The following SYT16 variants were observed in gnomAD, a reference collection of about 807,000 sequenced individuals.
The protein encoded by SYT16 is synaptotagmin 16.
A neutral mutation model predicts 61.4 loss-of-function variants in SYT16; 42 were observed. The observed-to-expected ratio is 0.68, with a 90% CI of 0.53 to 0.89. The LOEUF is 0.89. Ranked by LOEUF, SYT16 falls within the 40% of genes least tolerant of loss-of-function variation. SYT16 has a pLI of 0.00. For synonymous variants in SYT16, 314 were observed against 302.3 expected, an observed-to-expected ratio of 1.04 and a Z score of -0.40; for missense variants, 804 against 807.3, an observed-to-expected ratio of 1.00 and a Z score of 0.05.
At chr14:61,876,472 G>C (rs2047498563) in intron 1 of SYT16, among the ~76,000 whole-genome samples, 1 of 152,178 alleles carries the variant, frequency 6.6e-6, no homozygotes, top group East Asian at 1.9e-4. Flanking sequence ...CGGATGGGAG[G>C]TTGAGAAATT....
At chr14:61,864,137 T>A (rs191081756) in intron 1 of SYT16, among the ~76,000 whole-genome samples, 18 of 152,370 alleles carry the variant, frequency 1.2e-4, no homozygotes, top group African/African-American at 4.3e-4. Context: ...GACCACAATT[T>A]GTTTATCCAT....
chr14:61,834,305 T>G (rs1165919120), intron 1 of SYT16, among the ~76,000 whole-genome samples: 1 of 151,642 alleles, frequency 6.6e-6, no homozygotes, highest in Non-Finnish European at 1.5e-5. Context: ...TAATTTTTTA[T>G]ATTTTTAGTA....
chr14:62,003,488 T>A (rs2053103642), intron 3 of SYT16, among the ~76,000 whole-genome samples: 1 of 151,976 alleles, frequency 6.6e-6, no homozygotes, highest in Non-Finnish European at 1.5e-5. Flanking sequence ...TTGTGTTCTT[T>A]CTCTCCTTGA....
At chr14:61,859,477 C>T (rs1432799149) in intron 1 of SYT16, among the ~76,000 whole-genome samples, 2 of 152,042 alleles carry the variant, frequency 1.3e-5, no homozygotes, top group Admixed American at 6.5e-5. Context: ...CTTTACTATA[C>T]AATCCGGCAC....
At chr14:62,034,607 C>T (rs1566783040) in intron 3 of SYT16, among the ~76,000 whole-genome samples, 1 of 151,452 alleles carries the variant, frequency 6.6e-6, no homozygotes. Context: ...CAAGAGGCCA[C>T]ATATTATATG....
At chr14:62,003,668 A>G (rs1385836667) in intron 3 of SYT16, among the ~76,000 whole-genome samples, 1 of 152,110 alleles carries the variant, frequency 6.6e-6, no homozygotes, top group African/African-American at 2.4e-5. Context: ...GCTTAACACT[A>G]CACTGTGAAA....
At chr14:61,895,252 A>AT (rs546626901) in intron 1 of SYT16, among the ~76,000 whole-genome samples, 430 of 152,170 alleles carry the variant, frequency 2.8e-3, no homozygotes, top group African/African-American at 6.7e-3. Context: ...GTTTAGTTAA[A>AT]TTTTTTTTAA....
intron 1 of SYT16, among the ~76,000 whole-genome samples, chr14:61,896,128 CG>C (rs1566660716): frequency 6.6e-6 from 1 of 151,732 alleles, no homozygotes; most frequent in African/African-American, 2.4e-5. Context: ...GGGTAGAAAC[CG>C]GTCAGAATTT....
intron 3 of SYT16, among the ~76,000 whole-genome samples, chr14:62,046,333 A>G (rs1240343372): frequency 3.3e-5 from 5 of 151,824 alleles, no homozygotes; most frequent in Admixed American, 1.3e-4. Flanking sequence ...GTTTGAGTTC[A>G]TTGTAGATTC....
intron 6 of SYT16, 41 bp downstream of exon 6, chr14:62,081,315 C>A (rs377684620): frequency 2.6e-6 from 4 of 1,566,770 alleles, no homozygotes; most frequent in South Asian, 1.2e-5. Flanking sequence ...GTGGTGTGTT[C>A]GAAGACCTGG....
chr14:61,817,012 C>CAAA (rs1463280301), intron 1 of SYT16, among the ~76,000 whole-genome samples: 20 of 123,988 alleles, frequency 1.6e-4, no homozygotes, highest in Admixed American at 4.6e-4. Context: ...CTCCGTCACA[C>CAAA]ACACACACAC....
chr14:62,075,604 T>TAAAA (rs376818967), intron 5 of SYT16, among the ~76,000 whole-genome samples: 8 of 61,418 alleles, frequency 1.3e-4, no homozygotes, highest in African/African-American at 5.1e-4. Context: ...GGATGAACGG[T>TAAAA]AAAAAAAAAA....
At chr14:61,937,253 AG>A (rs2050018487) in intron 1 of SYT16, among the ~76,000 whole-genome samples, 1 of 152,270 alleles carries the variant, frequency 6.6e-6, no homozygotes, top group Non-Finnish European at 1.5e-5. Context: ...GAGCAAGGCC[AG>A]TGTTAATGGC....
rs559894305 is a variant in SYT16, at chr14:62,105,765, G to T, written c.*5058G>T. On this transcript the variant is annotated 3_prime_UTR_variant, in exon 8 of 8. Coordinates refer to ENST00000683842, the MANE Select transcript of SYT16 (RefSeq NM_001367656.1). Reference sequence around the variant, plus strand: ...CAAGTTCAGTGTAACCAGGTGCCATGAGTCAGTCATGTGCTACTTGTGGTT... The same window carrying T: ...CAAGTTCAGTGTAACCAGGTGCCATTAGTCAGTCATGTGCTACTTGTGGTT... 6.6e-6 allele frequency: 1 copy of T among 152,322 alleles called. No homozygotes were observed. Among genetic ancestry groups the T allele is most frequent in the East Asian group, 1.9e-4 (1 of 5,192 alleles). The allele number at this position is 152,322 out of a possible 1,614,324, so 9.4% of individuals were successfully genotyped here. A position where few individuals can be genotyped will look rare whatever the true frequency, so the allele number is the denominator to read the frequency against.
chr14:61,837,998 G>A (rs991404303), intron 1 of SYT16, among the ~76,000 whole-genome samples: 2 of 152,102 alleles, frequency 1.3e-5, no homozygotes, highest in African/African-American at 4.8e-5. Context: ...AAGAAATTTC[G>A]TTGCCCCTGT....
chr14:62,084,075 T>G (rs2056802522), intron 6 of SYT16, 121 bp from the exon 7 acceptor site: 1 of 1,204,830 alleles, frequency 8.3e-7, no homozygotes. Flanking sequence ...AGTGCGCCCT[T>G]AGTCATCTTT....
chr14:61,910,154 T>G (rs1047378451), intron 1 of SYT16, among the ~76,000 whole-genome samples: 1 of 152,234 alleles, frequency 6.6e-6, no homozygotes, highest in African/African-American at 2.4e-5. Flanking sequence ...TATAAATATA[T>G]GCCCTCCAAC....
intron 1 of SYT16, among the ~76,000 whole-genome samples, chr14:61,858,837 C>CTTTT (rs1163516492): frequency 1.3e-5 from 2 of 150,172 alleles, no homozygotes; most frequent in African/African-American, 4.9e-5. Context: ...AAATCATTTT[C>CTTTT]TTTTTTCTTT....
chr14:61,890,580 GCTT>G (rs2048087462), intron 1 of SYT16, among the ~76,000 whole-genome samples: 1 of 151,122 alleles, frequency 6.6e-6, no homozygotes, highest in Non-Finnish European at 1.5e-5. Context: ...GCTCTTTTGA[GCTT>G]CTTTTGCTGC....
Sources: allele counts gnomAD v4.1 joint callset (sites outside exome capture counted in the v4.1 genomes callset), GRCh38; gene constraint gnomAD v4.1.1; transcripts MANE v1.5; gene names NCBI Gene and HGNC (gene_info 2026-07-23, HGNC 2026-07-21).